Variants in SYN3 observed in about 807,000 individuals in gnomAD.
The protein encoded by SYN3 is synapsin-3.
Under a neutral mutation model 65.8 loss-of-function variants are expected in SYN3, and 35 were observed. The observed-to-expected ratio is 0.53, with a 90% CI of 0.41 to 0.70. The LOEUF is 0.70. SYN3 is among the 30% of genes least tolerant of loss of function. SYN3 has a pLI of 0.00. For missense variants in SYN3, 680 were observed against 749.0 expected, an observed-to-expected ratio of 0.91 and a Z score of 1.08; for synonymous variants, 270 against 292.9, an observed-to-expected ratio of 0.92 and a Z score of 0.80.
chr22:32,705,263 TTCTACA>T (rs1452469716), intron 6 of SYN3, among the ~76,000 whole-genome samples: 27 of 152,232 alleles, frequency 1.8e-4, no homozygotes, highest in Admixed American at 1.4e-3. Context: ...AGTTTCAATC[TTCTACA>T]TATGGTTAGC....
chr22:32,538,940 C>T (rs531564245), intron 8 of SYN3, among the ~76,000 whole-genome samples: 55 of 152,138 alleles, frequency 3.6e-4, no homozygotes, highest in Admixed American at 2.4e-3. Flanking sequence ...CAGTGGGATC[C>T]GGCAGGTAGT....
chr22:32,622,318 C>T (rs1569099386), intron 6 of SYN3, among the ~76,000 whole-genome samples: 1 of 152,060 alleles, frequency 6.6e-6, no homozygotes, highest in Non-Finnish European at 1.5e-5. Flanking sequence ...CTCAAATCCC[C>T]GTTCCCACCT....
intron 12 of SYN3, among the ~76,000 whole-genome samples, chr22:32,518,756 G>A (rs1315960782): frequency 6.6e-6 from 1 of 152,138 alleles, no homozygotes; most frequent in African/African-American, 2.4e-5. Context: ...TGGGGATCTG[G>A]TCAAAATAAA....
intron 4 of SYN3, among the ~76,000 whole-genome samples, chr22:32,892,623 T>C (rs2049483110): frequency 6.6e-6 from 1 of 152,176 alleles, no homozygotes; most frequent in South Asian, 2.1e-4. Context: ...GAGATCTATT[T>C]TAAAGAGGTG....
intron 4 of SYN3, among the ~76,000 whole-genome samples, chr22:32,910,236 C>G (rs561305280): frequency 6.6e-6 from 1 of 152,142 alleles, no homozygotes; most frequent in Non-Finnish European, 1.5e-5. Flanking sequence ...TTTCTGGAAA[C>G]ATTTTTACTT....
At chr22:32,621,678 C>G (rs1440722177) in intron 6 of SYN3, among the ~76,000 whole-genome samples, 1 of 152,176 alleles carries the variant, frequency 6.6e-6, no homozygotes, top group African/African-American at 2.4e-5. Context: ...TGCCTTTTAC[C>G]TACCTCACCC....
At chr22:32,922,639 G>A (rs538295248) in intron 4 of SYN3, among the ~76,000 whole-genome samples, 1 of 152,082 alleles carries the variant, frequency 6.6e-6, no homozygotes, top group Admixed American at 6.6e-5. Flanking sequence ...TTGGCAGATT[G>A]TTCACTCAAG....
chr22:32,655,619 T>A (rs1292074431), intron 6 of SYN3, among the ~76,000 whole-genome samples: 1 of 152,184 alleles, frequency 6.6e-6, no homozygotes, highest in East Asian at 1.9e-4. Context: ...GAACCATGCA[T>A]GCAAGGGATC....
intron 10 of SYN3, 101 bp from the exon 11 acceptor site, chr22:32,529,109 G>A: frequency 6.9e-7 from 1 of 1,457,180 alleles, no homozygotes; most frequent in South Asian, 1.2e-5. Flanking sequence ...GGACAGAAGT[G>A]ACCACCAGAT....
At chr22:32,742,376 T>A (rs984852988) in intron 6 of SYN3, among the ~76,000 whole-genome samples, 1 of 152,156 alleles carries the variant, frequency 6.6e-6, no homozygotes, top group African/African-American at 2.4e-5. Context: ...TGGATTCTTA[T>A]AGGATCTCAT....
intron 6 of SYN3, chr22:32,860,465 A>G (rs1026966028): frequency 2.0e-5 from 3 of 152,678 alleles, no homozygotes; most frequent in South Asian, 2.1e-4. Flanking sequence ...AAATATGCCA[A>G]TAGTTTAATC....
intron 1 of SYN3, among the ~76,000 whole-genome samples, chr22:33,047,965 C>T (rs756075130): frequency 4.0e-5 from 6 of 151,668 alleles, no homozygotes; most frequent in African/African-American, 7.3e-5. Context: ...GTCTGTGTTG[C>T]CTTCAACTCC....
At chr22:32,533,077 C>T (rs777164696) in intron 10 of SYN3, among the ~76,000 whole-genome samples, 18 of 151,174 alleles carry the variant, frequency 1.2e-4, no homozygotes, top group South Asian at 2.1e-4. Flanking sequence ...TAGTGGGATA[C>T]GGGGAAACAG....
At chr22:33,024,180 T>C (rs1298320617) in intron 1 of SYN3, among the ~76,000 whole-genome samples, 4 of 152,204 alleles carry the variant, frequency 2.6e-5, no homozygotes, top group Non-Finnish European at 5.9e-5. Flanking sequence ...AGAATGGCTT[T>C]CCTGACCACC....
At chr22:32,859,451 G>C (rs1421013518) in intron 6 of SYN3, 19 of 1,520,496 alleles carry the variant, frequency 1.2e-5, no homozygotes, top group African/African-American at 2.8e-5. Flanking sequence ...CTTCCCAGAT[G>C]ATGACAATGA....
intron 3 of SYN3, among the ~76,000 whole-genome samples, chr22:32,949,743 C>T (rs1285509782): frequency 1.3e-5 from 2 of 152,070 alleles, no homozygotes; most frequent in Non-Finnish European, 2.9e-5. Context: ...ATGTTGATGA[C>T]AGAATGGAAA....
chr22:32,513,909 A>C, intron 13 of SYN3, 85 bp from the exon 14 acceptor site: 1 of 1,545,576 alleles, frequency 6.5e-7, no homozygotes, highest in Non-Finnish European at 8.8e-7. Context: ...TGTAAGCCAG[A>C]TGGGCTACCC....
At chr22:32,932,477 T>C (rs1386710044) in intron 3 of SYN3, among the ~76,000 whole-genome samples, 1 of 152,134 alleles carries the variant, frequency 6.6e-6, no homozygotes, top group Non-Finnish European at 1.5e-5. Flanking sequence ...GCACAAACCA[T>C]GTTTTCTGTC....
intron 3 of SYN3, among the ~76,000 whole-genome samples, chr22:32,954,099 CAACAAAACAA>C (rs199873334): frequency 0.041 from 5,957 of 145,296 alleles, 297 homozygotes; most frequent in African/African-American, 0.12. Context: ...TACCCACACC[CAACAAAACAA>C]AACAAAACAA....
Sources: gnomAD v4.1 joint callset for allele counts (sites outside exome capture counted in the v4.1 genomes callset) on GRCh38, gnomAD v4.1.1 for gene constraint, MANE v1.5 for transcripts, NCBI Gene and HGNC (gene_info 2026-07-23, HGNC 2026-07-21) for gene names.